Variants in ZNF407 observed in about 807,000 individuals in gnomAD.
The protein encoded by ZNF407 is zinc finger protein 407.
ZNF407 carries 17 observed loss-of-function variants against 131.2 expected under a neutral mutation model. That is an observed-to-expected ratio of 0.13 (90% CI 0.09 to 0.19). ZNF407 has a LOEUF of 0.19. ZNF407 is among the 10% of genes least tolerant of loss of function. The probability of loss-of-function intolerance (pLI) is 1.00; values close to 1 mark genes in which losing one functional copy is unlikely to be tolerated. For synonymous variants in ZNF407, 1,156 were observed against 1,062.0 expected (o/e 1.09, Z -1.72); for missense variants, 2,681 against 2,830.6 (o/e 0.95, Z 1.20).
At chr18:74,723,948 G>A (rs1477911087) in intron 3 of ZNF407, among the ~76,000 whole-genome samples, 6 of 150,268 alleles carry the variant, frequency 4.0e-5, no homozygotes, top group Admixed American at 4.0e-4. Context: ...GGCGGGGTGG[G>A]GGGGGTTTGT....
At chr18:74,992,607 A>C (rs1381805044) in intron 8 of ZNF407, among the ~76,000 whole-genome samples, 2 of 152,236 alleles carry the variant, frequency 1.3e-5, no homozygotes, top group Non-Finnish European at 2.9e-5. Flanking sequence ...TGTGAGCGTC[A>C]CGGAAGGTGG....
At chr18:74,711,297 C>A (rs776832341) in intron 3 of ZNF407, among the ~76,000 whole-genome samples, 65 of 152,128 alleles carry the variant, frequency 4.3e-4, no homozygotes, top group Non-Finnish European at 6.3e-4. Flanking sequence ...TTTTGCCTGG[C>A]AAAGGGGAAT....
intron 8 of ZNF407, among the ~76,000 whole-genome samples, chr18:74,975,018 A>G (rs1030783259): frequency 6.6e-6 from 1 of 152,230 alleles, no homozygotes; most frequent in Admixed American, 6.5e-5. Context: ...GACTGTGCCC[A>G]TTAATACATA....
intron 1 of ZNF407, among the ~76,000 whole-genome samples, chr18:74,608,076 A>G (rs1326156200): frequency 1.3e-5 from 2 of 152,178 alleles, no homozygotes; most frequent in Non-Finnish European, 2.9e-5. Flanking sequence ...AAAACTTTCT[A>G]CTTTGAAATA....
chr18:74,850,045 A>G (rs1310598634), intron 4 of ZNF407, among the ~76,000 whole-genome samples: 13 of 152,186 alleles, frequency 8.5e-5, no homozygotes. Context: ...TTATACCTGA[A>G]GCTGTGGAAT....
chr18:74,640,403 G>A (rs1487655599), intron 2 of ZNF407, among the ~76,000 whole-genome samples: 4 of 151,792 alleles, frequency 2.6e-5, no homozygotes, highest in African/African-American at 9.7e-5. Flanking sequence ...ATCGATTTTT[G>A]ACTATAAAAA....
At chr18:74,988,314 T>C (rs985893667) in intron 8 of ZNF407, among the ~76,000 whole-genome samples, 2 of 152,058 alleles carry the variant, frequency 1.3e-5, no homozygotes, top group African/African-American at 4.8e-5. Flanking sequence ...GAACAAAACA[T>C]AGGAGAAAAT....
At chr18:74,918,166 A>G (rs954011871) in intron 7 of ZNF407, among the ~76,000 whole-genome samples, 2 of 152,206 alleles carry the variant, frequency 1.3e-5, no homozygotes, top group Non-Finnish European at 2.9e-5. Flanking sequence ...AAGGATAATT[A>G]CACATTTAAG....
chr18:74,671,322 T>TC (rs1470018338), intron 3 of ZNF407, among the ~76,000 whole-genome samples: 1 of 152,030 alleles, frequency 6.6e-6, no homozygotes, highest in Non-Finnish European at 1.5e-5. Context: ...GGACCACTGT[T>TC]TTTTTTTGTT....
chr18:74,804,221 C>CAAAG, intron 4 of ZNF407: 4 of 1,271,794 alleles, frequency 3.1e-6, no homozygotes, highest in Non-Finnish European at 4.0e-6. Context: ...CAAATGTAGG[C>CAAAG]TAGTCTAGTG....
intron 4 of ZNF407, among the ~76,000 whole-genome samples, chr18:74,861,571 G>A (rs76237322): frequency 1.3e-5 from 2 of 152,132 alleles, no homozygotes; most frequent in Non-Finnish European, 2.9e-5. Flanking sequence ...ACTTTATTTA[G>A]CTTGGTTATT....
chr18:74,992,565 G>A lies in ZNF407; in HGVS notation c.5429-70585G>A, dbSNP rs544197316. On this transcript the variant is annotated intron_variant, in intron 8 of 8. Transcript: ENST00000299687. ...CATTTCCATGGTGAGCTGAGGATTC[G>A]TGGATAAGAGCTGGATGACATCAAG... is the stretch of plus-strand genomic sequence containing the variant. Among the ~76,000 whole-genome samples the A allele has an allele frequency of 1.4e-4, 21 of 152,354 alleles. 1 individual carries two copies. Among genetic ancestry groups the A allele is most frequent in the Admixed American group, 9.8e-4 (15 of 15,310 alleles).
intron 8 of ZNF407, among the ~76,000 whole-genome samples, chr18:75,053,237 G>T (rs930499160): frequency 3.7e-4 from 57 of 152,292 alleles, no homozygotes; most frequent in African/African-American, 1.3e-3. Flanking sequence ...CCGCACCCAG[G>T]TCCCGCCTCA....
At position 74,781,465 on chromosome 18, in the gene ZNF407, C is replaced by G; in HGVS notation, c.4840C>G (p.Leu1614Val). The change falls in exon 4 of 9, where the codon CTA (leucine) becomes GTA (valine). Residue 1614 changes from leucine to valine, a missense_variant. Coordinates refer to ENST00000299687, the MANE Select transcript of ZNF407 (RefSeq NM_017757.3). ...AATGAAGAAGCACTTAAATACTCAT[C>G]TACTAGGCAAGCATGGAGTTGGCAC... ...FVMKKHLNTH[L>V]LGKHGVGTPK... The G allele has an allele frequency of 6.5e-7, 1 of 1,543,970 alleles. No individual in the cohort carries two copies. Among genetic ancestry groups the G allele is most frequent in the Non-Finnish European group, 8.7e-7 (1 of 1,145,200 alleles).
At chr18:74,873,482 G>A (rs1021345216) in intron 4 of ZNF407, among the ~76,000 whole-genome samples, 4 of 152,122 alleles carry the variant, frequency 2.6e-5, no homozygotes, top group African/African-American at 7.2e-5. Flanking sequence ...AAAAAACAAC[G>A]CACATAGTAG....
At chr18:74,763,158 T>C (rs930565667) in intron 3 of ZNF407, among the ~76,000 whole-genome samples, 3 of 145,520 alleles carry the variant, frequency 2.1e-5, no homozygotes, top group Non-Finnish European at 4.6e-5. Flanking sequence ...GTGATTTAAT[T>C]TGCATGTCCC....
At chr18:74,671,959 C>T (rs1986156583) in intron 3 of ZNF407, among the ~76,000 whole-genome samples, 2 of 151,998 alleles carry the variant, frequency 1.3e-5, no homozygotes, top group Admixed American at 1.3e-4. Flanking sequence ...TCCAGTCTGT[C>T]ACCCATGGGC....
chr18:74,797,969 G>C (rs1969951732), intron 4 of ZNF407, among the ~76,000 whole-genome samples: 1 of 152,106 alleles, frequency 6.6e-6, no homozygotes, highest in African/African-American at 2.4e-5. Flanking sequence ...AGGGATCAAG[G>C]TGAGAGTTCT....
At chr18:74,935,894 T>C (rs905864935) in intron 8 of ZNF407, among the ~76,000 whole-genome samples, 4 of 152,242 alleles carry the variant, frequency 2.6e-5, no homozygotes, top group Non-Finnish European at 5.9e-5. Context: ...TGTCTTTTAA[T>C]GGTTTCCTAA....
Sources: gnomAD v4.1 joint callset for allele counts (sites outside exome capture counted in the v4.1 genomes callset) on GRCh38, gnomAD v4.1.1 for gene constraint, MANE v1.5 for transcripts, NCBI Gene and HGNC (gene_info 2026-07-23, HGNC 2026-07-21) for gene names.